The following SYTL2 variants were observed in gnomAD, a reference collection of about 807,000 sequenced individuals.
SYTL2 encodes synaptotagmin like 2, also known as synaptotagmin-like protein 2.
In SYTL2, 165 loss-of-function variants were observed where a neutral mutation model predicts 198.7. The ratio of observed to expected loss-of-function variants is 0.83; its 90% confidence interval spans 0.73 to 0.94. The LOEUF (loss-of-function observed/expected upper bound fraction) is 0.94, where lower values mean the gene tolerates loss of function less well. Ranked by LOEUF, SYTL2 falls within the 40% of genes least tolerant of loss-of-function variation. The pLI is 0.00. For missense variants in SYTL2, 2,835 were observed against 2,582.8 expected (o/e 1.10, Z -2.12); for synonymous variants, 966 against 917.7 (o/e 1.05, Z -0.95).
At chr11:85,746,077 G>A (rs1163409414) in intron 3 of SYTL2, among the ~76,000 whole-genome samples, 1 of 152,140 alleles carries the variant, frequency 6.6e-6, no homozygotes, top group Non-Finnish European at 1.5e-5. Flanking sequence ...GAACTGAGTT[G>A]GGGTCAGGTC....
At chr11:85,717,718 A>G (rs756075537) in intron 10 of SYTL2, 188 bp from the exon 11 acceptor site, 2 of 631,022 alleles carry the variant, frequency 3.2e-6, no homozygotes, top group Admixed American at 4.2e-5. Flanking sequence ...CTCCTGTTCA[A>G]CTAAAAATCT....
At chr11:85,796,592 C>A (rs544665540) in intron 1 of SYTL2, among the ~76,000 whole-genome samples, 120 of 152,332 alleles carry the variant, frequency 7.9e-4, no homozygotes, top group African/African-American at 2.8e-3. Context: ...AAGAAGGCTT[C>A]AACTTTCTCC....
the SYTL2 span, among the ~76,000 whole-genome samples, chr11:85,833,145 A>G: frequency 8.0e-6 from 1 of 124,686 alleles, no homozygotes; most frequent in South Asian, 2.3e-4. Flanking sequence ...GAAGGAAGGA[A>G]GGAAGGAAGG....
rs564621884 is a variant in SYTL2, at chr11:85,727,428, T to A, written c.1930A>T (p.Ser644Cys). The A allele has an allele frequency of 6.5e-7, 1 of 1,536,290 alleles. No homozygotes were observed. The highest frequency in any genetic ancestry group is 1.2e-5 in the South Asian group (1 of 84,044). ...FESYGTPSQGSKNMDYSQDSK... is the reference protein window; with the variant it reads ...FESYGTPSQGCKNMDYSQDSK... Reference sequence around the variant, plus strand: ...TCTTGGCTATAGTCCATATTTTTACTCCCTTGACTTGGGGTGCCATAGCTT... The same window carrying A: ...TCTTGGCTATAGTCCATATTTTTACACCCTTGACTTGGGGTGCCATAGCTT... The change falls in exon 8 of 20, where the codon AGT (serine) becomes TGT (cysteine). Residue 644 changes from serine to cysteine, a missense_variant. Physicochemically the swap from Ser to Cys is moderately radical, Grantham distance 112. Coordinates refer to ENST00000359152, the MANE Select transcript of SYTL2 (RefSeq NM_206927.4).
At position 85,724,194 on chromosome 11, in the gene SYTL2, G is replaced by GTTTTTATAAATTATATA. The variant is rs2088782978; in HGVS notation, c.5163_5164insTATATAATTTATAAAAA (p.Leu1722TyrfsTer7). On this transcript the variant is annotated frameshift_variant, in exon 8 of 20. Coordinates refer to ENST00000359152, the MANE Select transcript of SYTL2 (RefSeq NM_206927.4). LOFTEE classifies it high-confidence loss of function. ...TTTGTAGAGTTTTCTTTGTTCATCA[G>GTTTTTATAAATTATATA]GAGAGGAATGGGTTGCCTATTTCTG... 1 of 1,600,034 alleles carries GTTTTTATAAATTATATA rather than the reference G, an allele frequency of 6.2e-7. No individual in the cohort carries two copies. Among genetic ancestry groups the GTTTTTATAAATTATATA allele is most frequent in the African/African-American group, 1.4e-5 (1 of 73,782 alleles).
chr11:85,753,386 C>T (rs2091665838), intron 2 of SYTL2, among the ~76,000 whole-genome samples: 1 of 152,028 alleles, frequency 6.6e-6, no homozygotes, highest in South Asian at 2.1e-4. Flanking sequence ...GGGTCCAGTA[C>T]TTGTGGCTAC....
chr11:85,829,384 G>A, the SYTL2 span, among the ~76,000 whole-genome samples: 3 of 152,114 alleles, frequency 2.0e-5, no homozygotes, highest in African/African-American at 4.8e-5. Context: ...ACATGATTTT[G>A]TTCTTTTTTA....
chr11:85,833,098 A>AGAAAGAAGGAAGGAAGGAAG, the SYTL2 span, among the ~76,000 whole-genome samples: 1 of 32,530 alleles, frequency 3.1e-5, no homozygotes, highest in East Asian at 8.0e-4. Flanking sequence ...AAAGAAAGAA[A>AGAAAGAAGGAAGGAAGGAAG]GAAGGAAGGA....
At chr11:85,846,144 A>G in the SYTL2 span, among the ~76,000 whole-genome samples, 4 of 152,166 alleles carry the variant, frequency 2.6e-5, no homozygotes, top group Admixed American at 2.6e-4. Flanking sequence ...AGAATGGTGG[A>G]CCACAGTACC....
intron 1 of SYTL2, among the ~76,000 whole-genome samples, chr11:85,789,342 A>ATATATATATATATATATATATATG (rs2092688923): frequency 2.8e-4 from 6 of 21,370 alleles, no homozygotes; most frequent in Non-Finnish European, 6.7e-4. Flanking sequence ...GTGTGTGTGT[A>ATATATATATATATATATATATATG]TATATATATA....
At chr11:85,767,501 C>A (rs2092266348) in intron 1 of SYTL2, among the ~76,000 whole-genome samples, 1 of 152,112 alleles carries the variant, frequency 6.6e-6, no homozygotes, top group Admixed American at 6.6e-5. Context: ...TGGAATTAAA[C>A]TCAGGATCAT....
At chr11:85,835,807 T>G in the SYTL2 span, among the ~76,000 whole-genome samples, 1 of 152,198 alleles carries the variant, frequency 6.6e-6, no homozygotes, top group Non-Finnish European at 1.5e-5. Context: ...GCCTCCAATC[T>G]CCTGCCTGCA....
At chr11:85,742,232 C>G (rs145197238) in intron 4 of SYTL2, among the ~76,000 whole-genome samples, 4 of 152,326 alleles carry the variant, frequency 2.6e-5, no homozygotes, top group Non-Finnish European at 4.4e-5. Flanking sequence ...TCTCTCATAG[C>G]TATGCAAATC....
the SYTL2 span, among the ~76,000 whole-genome samples, chr11:85,827,824 G>A: frequency 2.0e-5 from 3 of 152,178 alleles, no homozygotes; most frequent in Admixed American, 6.5e-5. Flanking sequence ...AGTTTTGACT[G>A]GAGTACAACA....
At chr11:85,753,072 C>G (rs912891076) in intron 2 of SYTL2, among the ~76,000 whole-genome samples, 1 of 151,522 alleles carries the variant, frequency 6.6e-6, no homozygotes, top group Non-Finnish European at 1.5e-5. Context: ...GTGGGGGATG[C>G]AGTGCTGGTG....
chr11:85,850,956 C>A, the SYTL2 span, among the ~76,000 whole-genome samples: 2 of 144,194 alleles, frequency 1.4e-5, no homozygotes, highest in African/African-American at 2.6e-5. Context: ...TATTCTCACT[C>A]ACAGGTGGGA....
the SYTL2 span, among the ~76,000 whole-genome samples, chr11:85,841,187 T>C: frequency 6.6e-6 from 1 of 152,160 alleles, no homozygotes; most frequent in Non-Finnish European, 1.5e-5. Context: ...CTAGTGAGGT[T>C]ACAGAGAAAA....
chr11:85,759,942 T>G (rs375376973), intron 1 of SYTL2, among the ~76,000 whole-genome samples: 2 of 152,148 alleles, frequency 1.3e-5, no homozygotes, highest in East Asian at 3.9e-4. Flanking sequence ...AACTCTTCAT[T>G]TCCTCCCTGT....
upstream of SYTL2, among the ~76,000 whole-genome samples, chr11:85,813,124 G>A (rs2093056662): frequency 6.6e-6 from 1 of 152,152 alleles, no homozygotes; most frequent in African/African-American, 2.4e-5. Flanking sequence ...GCTTCAGGTT[G>A]TGGGGCAGGC....
Sources: gnomAD v4.1 joint callset for allele counts (sites outside exome capture counted in the v4.1 genomes callset) on GRCh38, gnomAD v4.1.1 for gene constraint, MANE v1.5 for transcripts, NCBI Gene and HGNC (gene_info 2026-07-23, HGNC 2026-07-21) for gene names.